The following PPP2R1B variants were observed in gnomAD, a reference collection of about 807,000 sequenced individuals.
PPP2R1B encodes serine/threonine-protein phosphatase 2A 65 kDa regulatory subunit A beta isoform.
PPP2R1B carries 58 observed loss-of-function variants against 72.7 expected under a neutral mutation model. The observed-to-expected ratio is 0.80, with a 90% confidence interval of 0.65 to 0.99. The LOEUF (loss-of-function observed/expected upper bound fraction) is 0.99. PPP2R1B is among the 50% of genes least tolerant of loss of function. PPP2R1B has a pLI of 0.00. For synonymous variants in PPP2R1B, 256 were observed against 264.6 expected, an observed-to-expected ratio of 0.97 and a Z score of 0.32; for missense variants, 695 against 733.6, an observed-to-expected ratio of 0.95 and a Z score of 0.61.
chr11:111,753,596 T>C lies in PPP2R1B; in HGVS notation c.1030-19A>G, dbSNP rs1555048682. On this transcript the variant is annotated intron_variant, in intron 8 of 14. Coordinates refer to ENST00000527614, the MANE Select transcript of PPP2R1B (RefSeq NM_002716.5). ...CTAATTCCTAAAATAAAATCGAAAT[T>C]AAAAGCCTTTATTACAAGACAACAG... The C allele has an allele frequency of 6.3e-7, 1 of 1,591,554 alleles. No individual in the cohort carries two copies.
At chr11:111,759,103 A>G (rs1245585660) in intron 5 of PPP2R1B, among the ~76,000 whole-genome samples, 2 of 152,184 alleles carry the variant, frequency 1.3e-5, no homozygotes, top group African/African-American at 4.8e-5. Flanking sequence ...GAAGGGCACA[A>G]ATTCTGGAGC....
At chr11:111,700,962 A>G in the PPP2R1B span, 1 of 1,614,086 alleles carries the variant, frequency 6.2e-7, no homozygotes, top group Non-Finnish European at 8.5e-7. Context: ...ATGCAGCCCC[A>G]GAAGTCTTTG....
chr11:111,763,219 G>A (rs1404541898), intron 3 of PPP2R1B, among the ~76,000 whole-genome samples: 1 of 152,216 alleles, frequency 6.6e-6, no homozygotes, highest in Non-Finnish European at 1.5e-5. Flanking sequence ...TAGGGCAAAG[G>A]TCCTAAGGGA....
chr11:111,689,848 T>C, the PPP2R1B span, among the ~76,000 whole-genome samples: 1 of 152,212 alleles, frequency 6.6e-6, no homozygotes, highest in Non-Finnish European at 1.5e-5. Context: ...TAAATGTCAA[T>C]ATTACATATG....
In PPP2R1B at chr11:111,727,014, G is replaced by A. The variant is rs773207832; in HGVS notation, c.1955C>T (p.Ala652Val). The change falls in exon 16 of 16, where the codon GCC becomes GTC. Residue 652 changes from alanine (A) to valine (V), a missense_variant. Coordinates refer to the PPP2R1B transcript ENST00000311129. ...CACTAGCTCTGCAATTCCCAGCTGG[G>A]CAAGTGTGTCTCTAGTATCTCCACG... 4.3e-6 allele frequency: 7 copies of A among 1,614,042 alleles called. No homozygotes were observed. In the Admixed American group the frequency reaches 6.7e-5, roughly 15 times the overall value.
the PPP2R1B span, among the ~76,000 whole-genome samples, chr11:111,712,595 C>T: frequency 5.3e-5 from 8 of 152,292 alleles, no homozygotes; most frequent in East Asian, 1.9e-4. Context: ...TGTCAGACCT[C>T]GTGGACTTCT....
the PPP2R1B span, among the ~76,000 whole-genome samples, chr11:111,717,885 A>T: frequency 2.6e-5 from 4 of 152,180 alleles, no homozygotes; most frequent in Admixed American, 2.6e-4. Context: ...GAATGGACAC[A>T]TGGAGGGGAA....
At position 111,741,633 on chromosome 11, in the gene PPP2R1B, T is replaced by C. The variant is rs186729463; in HGVS notation, c.1790-21A>G. 8 of 1,613,072 alleles carry C rather than the reference T, an allele frequency of 5.0e-6. No homozygotes were observed. The African/African-American group carries it at 1.1e-4, about 22-fold the overall frequency. On this transcript the variant is annotated intron_variant, in intron 14 of 14. Coordinates refer to ENST00000527614, the MANE Select transcript of PPP2R1B (RefSeq NM_002716.5). Reference sequence around the variant, plus strand: ...AAGAACTGGAAAATTCCAAACAAAATCAGGTTAGTGGTACAGAAAGTTCAC... The same window carrying C: ...AAGAACTGGAAAATTCCAAACAAAACCAGGTTAGTGGTACAGAAAGTTCAC...
In PPP2R1B at chr11:111,760,931, G is replaced by C. The variant is rs1555051174; in HGVS notation, c.427C>G (p.Leu143Val). ...TCCCCACTTGCTAAGCGTTTCACCAGAGGTACAAAATAAGCTTCCAGAGCA... is the reference window on the plus strand; with the variant it reads ...TCCCCACTTGCTAAGCGTTTCACCACAGGTACAAAATAAGCTTCCAGAGCA... ...PVALEAYFVPLVKRLASGDWF... is the reference protein window; with the variant it reads ...PVALEAYFVPVVKRLASGDWF... The change falls in exon 4 of 15, where the codon CTG (leucine) becomes GTG (valine). Residue 143 changes from leucine (L) to valine (V), a missense_variant. Coordinates refer to ENST00000527614, the MANE Select transcript of PPP2R1B (RefSeq NM_002716.5). The C allele has an allele frequency of 6.2e-7, 1 of 1,614,218 alleles. No individual in the cohort carries two copies. Among genetic ancestry groups the C allele is most frequent in the African/African-American group, 1.3e-5 (1 of 75,052 alleles).
the PPP2R1B span, among the ~76,000 whole-genome samples, chr11:111,714,477 C>T: frequency 1.8e-4 from 28 of 152,064 alleles, no homozygotes; most frequent in Admixed American, 6.5e-5. Context: ...GTGTGTGCCC[C>T]GGTGCAGGGG....
At chr11:111,748,402 T>G (rs1944780967) in intron 10 of PPP2R1B, among the ~76,000 whole-genome samples, 1 of 152,232 alleles carries the variant, frequency 6.6e-6, no homozygotes, top group Admixed American at 6.5e-5. Flanking sequence ...CGTCTTCCCT[T>G]TTTGGTTACT....
At chr11:111,714,319 G>A in the PPP2R1B span, among the ~76,000 whole-genome samples, 21 of 152,316 alleles carry the variant, frequency 1.4e-4, no homozygotes, top group Non-Finnish European at 2.2e-4. Flanking sequence ...TTCCCTAAGC[G>A]AGTGCTTTCA....
In PPP2R1B at chr11:111,740,224, T is replaced by C. The variant is rs563149054; in HGVS notation, c.*1372A>G. The C allele has an allele frequency of 1.4e-4, 134 of 985,010 alleles. No individual in the cohort carries two copies. In the African/African-American group the frequency reaches 2.1e-3, roughly 16 times the overall value. 61.0% of individuals were successfully genotyped at this position (985,010 alleles called of 1,614,324 possible). A position where few individuals can be genotyped will look rare whatever the true frequency, so the allele number is the denominator to read the frequency against. On this transcript the variant is annotated 3_prime_UTR_variant, in exon 15 of 15. Transcript: ENST00000527614. ...GTGAGTTTGATTATGTGAAAAATAG[T>C]TGTTTTTTTTTGAGATGGACTCTCG...
rs1048975039 is a variant in PPP2R1B at position 111,738,343 on chromosome 11, A to T, written c.*3253T>A. On this transcript the variant is annotated 3_prime_UTR_variant, in exon 15 of 15. Transcript: ENST00000527614. ...GGCAAGAGGACAGAACAAGCACCTG[A>T]CCTGTTTGGCCACCCTGCCCTGCCA... 2.0e-6 allele frequency: 2 copies of T among 985,390 alleles called. No individual in the cohort carries two copies. Among genetic ancestry groups the T allele is most frequent in the Non-Finnish European group, 2.4e-6 (2 of 830,004 alleles). The allele number at this position is 985,390 out of a possible 1,614,324, so 61.0% of individuals were successfully genotyped here.
chr11:111,724,349 G>T (rs1943902339), downstream of PPP2R1B: 1 of 613,862 alleles, frequency 1.6e-6, no homozygotes, highest in Non-Finnish European at 2.8e-6. Flanking sequence ...GAACATAGTT[G>T]TAGGCTGAGG....
rs573167209 is a variant in PPP2R1B at position 111,746,416 on chromosome 11, T to C, written c.1399+1538A>G. Among the ~76,000 whole-genome samples the C allele has an allele frequency of 9.9e-5, 15 of 151,762 alleles. No homozygotes were observed. The South Asian group carries it at 2.7e-3, about 28-fold the overall frequency. ...ACATGTTCTCACTAATAAGTGGGAG[T>C]TGAACAATCAGAACACATGAATACA... On this transcript the variant is annotated intron_variant, in intron 11 of 14. Coordinates refer to ENST00000527614, the MANE Select transcript of PPP2R1B (RefSeq NM_002716.5).
the PPP2R1B span, among the ~76,000 whole-genome samples, chr11:111,707,589 C>T: frequency 1.1e-3 from 166 of 152,226 alleles, 1 homozygote; most frequent in African/African-American, 3.8e-3. Flanking sequence ...CAACAGGCCC[C>T]CTCCTCTCAG....
chr11:111,740,645 C>G lies in PPP2R1B; in HGVS notation c.*951G>C. Reference sequence around the variant, plus strand: ...TCAAATGATAAGACTCCAGTATCACCCATACTAAAAACTTAGCAATAAAAC... The same window carrying G: ...TCAAATGATAAGACTCCAGTATCACGCATACTAAAAACTTAGCAATAAAAC... On this transcript the variant is annotated 3_prime_UTR_variant, in exon 15 of 15. Transcript: ENST00000527614. 1 of 985,238 alleles carries G rather than the reference C, an allele frequency of 1.0e-6. No homozygotes were observed. The highest frequency in any genetic ancestry group is 4.7e-5 in the South Asian group (1 of 21,282). 61.0% of individuals were successfully genotyped at this position (985,238 alleles called of 1,614,324 possible).
At chr11:111,709,460 T>G in the PPP2R1B span, among the ~76,000 whole-genome samples, 1 of 152,348 alleles carries the variant, frequency 6.6e-6, no homozygotes, top group African/African-American at 2.4e-5. Context: ...GAAAGAACGT[T>G]ATTTTCATTT....
Sources: allele counts gnomAD v4.1 joint callset (sites outside exome capture counted in the v4.1 genomes callset), GRCh38; gene constraint gnomAD v4.1.1; transcripts MANE v1.5; gene names NCBI Gene and HGNC (gene_info 2026-07-23, HGNC 2026-07-21).